Variants in MAPKAP1 observed in about 807,000 individuals in gnomAD.
MAPKAP1 encodes MAPK associated protein 1.
In MAPKAP1, 20 loss-of-function variants were observed where a neutral mutation model predicts 65.7. That is an observed-to-expected ratio of 0.30 (90% confidence interval 0.21 to 0.44). The LOEUF (loss-of-function observed/expected upper bound fraction) is 0.44, where lower values mean the gene tolerates loss of function less well. Among genes scored for constraint, MAPKAP1 ranks in the 20% least tolerant of loss-of-function variants. The pLI, the probability that MAPKAP1 is intolerant of heterozygous loss-of-function variation, is 1.00. For missense variants in MAPKAP1, 423 were observed against 648.0 expected, an observed-to-expected ratio of 0.65 and a Z score of 3.77; for synonymous variants, 222 against 244.3, an observed-to-expected ratio of 0.91 and a Z score of 0.85.
At chr9:125,650,044 C>A (rs367886747) in intron 4 of MAPKAP1, among the ~76,000 whole-genome samples, 1 of 152,152 alleles carries the variant, frequency 6.6e-6, no homozygotes. Context: ...AATCATCCTT[C>A]AAACCCCCTT....
chr9:125,678,591 TAAATATTCAAC>T (rs899312180), intron 1 of MAPKAP1, among the ~76,000 whole-genome samples: 17 of 152,198 alleles, frequency 1.1e-4, no homozygotes, highest in African/African-American at 3.4e-4. Context: ...TTCAAATGAA[TAAATATTCAAC>T]AAATATTTAC....
intron 3 of MAPKAP1, among the ~76,000 whole-genome samples, chr9:125,658,950 A>C (rs1834109543): frequency 1.3e-5 from 2 of 151,606 alleles, no homozygotes; most frequent in South Asian, 4.2e-4. Flanking sequence ...TAGAACTTTC[A>C]AAAAAAAATG....
intron 6 of MAPKAP1, among the ~76,000 whole-genome samples, chr9:125,543,607 C>T (rs991015351): frequency 2.6e-5 from 4 of 152,132 alleles, no homozygotes; most frequent in Admixed American, 1.3e-4. Context: ...TAAGTGCATA[C>T]TGAGGTGCCA....
At chr9:125,690,731 C>T (rs942140685) in intron 1 of MAPKAP1, among the ~76,000 whole-genome samples, 2 of 152,108 alleles carry the variant, frequency 1.3e-5, no homozygotes, top group Non-Finnish European at 2.9e-5. Context: ...AGGCAACATT[C>T]GAGGTAGAAG....
chr9:125,698,317 AT>A (rs1296141160), intron 1 of MAPKAP1, among the ~76,000 whole-genome samples: 4 of 86,802 alleles, frequency 4.6e-5, no homozygotes, highest in East Asian at 4.5e-4. Flanking sequence ...ATATATATAT[AT>A]ATATATATAT....
At chr9:125,667,514 C>T (rs1295108506) in intron 3 of MAPKAP1, among the ~76,000 whole-genome samples, 2 of 152,140 alleles carry the variant, frequency 1.3e-5, no homozygotes, top group South Asian at 2.1e-4. Flanking sequence ...GACAGGGTTT[C>T]GCCATGTTGG....
chr9:125,542,958 T>C (rs763204119), intron 7 of MAPKAP1, 101 bp downstream of exon 7: 6 of 849,572 alleles, frequency 7.1e-6, no homozygotes, highest in Non-Finnish European at 1.2e-5. Context: ...AGCAATGACA[T>C]CTGAAAGAAT....
chr9:125,641,230 T>C (rs4838278), intron 4 of MAPKAP1, among the ~76,000 whole-genome samples: 47,338 of 152,106 alleles, frequency 0.31, 8,175 homozygotes, highest in Middle Eastern at 0.4. Context: ...CCTTAGTGCC[T>C]ATACTCTACA....
chr9:125,570,528 C>T (rs528850265), intron 5 of MAPKAP1, among the ~76,000 whole-genome samples: 10 of 152,318 alleles, frequency 6.6e-5, no homozygotes, highest in African/African-American at 1.9e-4. Flanking sequence ...CACTGCTCCA[C>T]ACCTAGTGTA....
intron 4 of MAPKAP1, among the ~76,000 whole-genome samples, chr9:125,655,470 A>C (rs1834003468): frequency 6.6e-6 from 1 of 152,170 alleles, no homozygotes; most frequent in African/African-American, 2.4e-5. Flanking sequence ...GATCATTTTG[A>C]GGTGTTATTT....
At chr9:125,546,362 G>C (rs1355017646) in intron 6 of MAPKAP1, among the ~76,000 whole-genome samples, 1 of 152,208 alleles carries the variant, frequency 6.6e-6, no homozygotes, top group Admixed American at 6.5e-5. Flanking sequence ...TGCCAACTTT[G>C]GATCTTGTTC....
intron 4 of MAPKAP1, among the ~76,000 whole-genome samples, chr9:125,633,447 AT>A (rs1173094269): frequency 6.6e-6 from 1 of 152,210 alleles, no homozygotes; most frequent in Non-Finnish European, 1.5e-5. Context: ...TAGAACACAT[AT>A]TAGATTAAGC....
At chr9:125,649,023 G>A (rs1263995855) in intron 4 of MAPKAP1, among the ~76,000 whole-genome samples, 1 of 152,142 alleles carries the variant, frequency 6.6e-6, no homozygotes, top group Admixed American at 6.5e-5. Flanking sequence ...TGGAGCCTAG[G>A]CTGTCATTTG....
At chr9:125,524,559 C>T (rs1313123474) in intron 7 of MAPKAP1, among the ~76,000 whole-genome samples, 3 of 152,224 alleles carry the variant, frequency 2.0e-5, no homozygotes, top group Non-Finnish European at 4.4e-5. Flanking sequence ...TGTTGCTTCT[C>T]TTTGTGCTAC....
chr9:125,547,583 A>AGGG (rs1830464512), intron 6 of MAPKAP1, among the ~76,000 whole-genome samples: 1 of 152,190 alleles, frequency 6.6e-6, no homozygotes, highest in East Asian at 1.9e-4. Context: ...CCTTGCCCTA[A>AGGG]GTCATCATTC....
At chr9:125,445,213 A>G (rs1852665122) in intron 10 of MAPKAP1, among the ~76,000 whole-genome samples, 1 of 152,218 alleles carries the variant, frequency 6.6e-6, no homozygotes, top group Non-Finnish European at 1.5e-5. Context: ...GCTTCTGAAT[A>G]TAAATCTGAT....
chr9:125,646,784 G>A (rs1436237273), intron 4 of MAPKAP1, among the ~76,000 whole-genome samples: 1 of 152,208 alleles, frequency 6.6e-6, no homozygotes, highest in African/African-American at 2.4e-5. Flanking sequence ...TTTTAGAAAA[G>A]TGGTTATTAG....
intron 5 of MAPKAP1, among the ~76,000 whole-genome samples, chr9:125,564,391 TAC>T (rs770859254): frequency 5.9e-4 from 90 of 152,252 alleles, no homozygotes; most frequent in Non-Finnish European, 1.5e-4. Flanking sequence ...TCTAATTTTA[TAC>T]ACTTTCCAAA....
At chr9:125,533,740 C>A (rs185823658) in intron 7 of MAPKAP1, among the ~76,000 whole-genome samples, 168 of 152,302 alleles carry the variant, frequency 1.1e-3, no homozygotes, top group Admixed American at 2.8e-3. Flanking sequence ...TGAGCCACTA[C>A]GCTCGGCCAG....
Sources: allele counts gnomAD v4.1 joint callset (sites outside exome capture counted in the v4.1 genomes callset), GRCh38; gene constraint gnomAD v4.1.1; transcripts MANE v1.5; gene names NCBI Gene and HGNC (gene_info 2026-07-23, HGNC 2026-07-21).